Variants in SDR42E1 observed in about 807,000 individuals in gnomAD.
The protein encoded by SDR42E1 is short chain dehydrogenase/reductase family 42E, member 1.
A neutral mutation model predicts 2.6 loss-of-function variants in SDR42E1; 5 were observed. That is an observed-to-expected ratio of 1.94 (90% CI 1.01 to 4.08). The LOEUF (loss-of-function observed/expected upper bound fraction) is 4.08, where lower values mean the gene tolerates loss of function less well. Among genes scored for constraint, SDR42E1 ranks in the 30% most tolerant of loss-of-function variants. The probability of loss-of-function intolerance (pLI) is 0.00; values close to 1 mark genes in which losing one functional copy is unlikely to be tolerated. For missense variants in SDR42E1, 596 were observed against 478.6 expected, an observed-to-expected ratio of 1.25 and a Z score of -2.29; for synonymous variants, 231 against 188.3, an observed-to-expected ratio of 1.23 and a Z score of -1.86.
At chr16:82,004,388 TC>T (rs527874298) in intron 1 of SDR42E1, among the ~76,000 whole-genome samples, 290 of 152,252 alleles carry the variant, frequency 1.9e-3, no homozygotes, top group African/African-American at 6.7e-3. Flanking sequence ...ACATGGTGAG[TC>T]CGCCATGGCT....
At position 82,011,439 on chromosome 16, in the gene SDR42E1, G is replaced by A. The variant is rs1414513674; in HGVS notation, c.-79C>T. 6.6e-6 allele frequency: 1 copy of A among 152,474 alleles called. No homozygotes were observed. The highest frequency in any genetic ancestry group is 2.4e-5 in the African/African-American group (1 of 41,446). 9.4% of individuals were successfully genotyped at this position (152,474 alleles called of 1,614,324 possible). On this transcript the variant is annotated 5_prime_UTR_variant, in exon 1 of 3. Transcript: ENST00000328945. ...GGCTACAGCAGGCAGAGAGGCCCAG[G>A]CCTCCTAGCTACCCATCACCACAGC...
intron 2 of SDR42E1, 24 bp downstream of exon 2, chr16:82,000,767 T>A: frequency 6.5e-7 from 1 of 1,533,338 alleles, no homozygotes; most frequent in Non-Finnish European, 9.0e-7. Flanking sequence ...TAATTCCATG[T>A]GTATATTTTA....
At chr16:82,004,982 A>T (rs989569134) in intron 1 of SDR42E1, among the ~76,000 whole-genome samples, 1 of 152,268 alleles carries the variant, frequency 6.6e-6, no homozygotes, top group African/African-American at 2.4e-5. Context: ...TCTGGTTGAA[A>T]GTTTTGACAA....
At chr16:82,000,342 G>T (rs1007584283) in intron 2 of SDR42E1, 118 bp from the exon 3 acceptor site, 1 of 1,287,100 alleles carries the variant, frequency 7.8e-7, no homozygotes, top group African/African-American at 1.4e-5. Context: ...GGCTCATCCT[G>T]AGCCCCTCAC....
chr16:81,999,204 G>C lies in SDR42E1; in HGVS notation c.1089C>G (p.Asp363Glu), dbSNP rs758192799. The part of the protein sequence containing the change: ...HGHGRSSGSR[D>E]SECFVWDGLL... ...GCCCATCCCAAACAAAACACTCCGA[G>C]TCACGACTTCCAGAACTTCTGCCAT... The change falls in exon 3 of 3, where the codon GAC becomes GAG. Residue 363 changes from aspartate to glutamate, a missense_variant. Asp to Glu is a conservative substitution (Grantham distance 45). Transcript: ENST00000328945. The C allele has an allele frequency of 6.2e-7, 1 of 1,614,220 alleles. No homozygotes were observed. The highest frequency in any genetic ancestry group is 8.5e-7 in the Non-Finnish European group (1 of 1,180,034).
rs1198647055 is a variant in SDR42E1, at chr16:81,994,327, G to A, written c.*4784C>T. 6.6e-6 allele frequency: 1 copy of A among 152,214 alleles called. No individual in the cohort carries two copies. The highest frequency in any genetic ancestry group is 2.4e-5 in the African/African-American group (1 of 41,440). The allele number at this position is 152,214 out of a possible 1,614,324, so 9.4% of individuals were successfully genotyped here. On this transcript the variant is annotated 3_prime_UTR_variant, in exon 3 of 3. Coordinates refer to ENST00000328945, the MANE Select transcript of SDR42E1 (RefSeq NM_145168.3). ...CCTTCAGGTAGGAGGACCCTGAAGA[G>A]GAGCTGCACCAAGCGCCTGTCCTCC...
rs781435112 is a variant in SDR42E1 at position 81,997,420 on chromosome 16, T to C, written c.*1691A>G. 12 of 152,136 alleles carry C rather than the reference T, an allele frequency of 7.9e-5. No individual in the cohort carries two copies. The highest frequency in any genetic ancestry group is 2.0e-4 in the Admixed American group (3 of 15,278). The allele number at this position is 152,136 out of a possible 1,614,324, so 9.4% of individuals were successfully genotyped here. ...GAATAGGATTGACCTGCATAACCAA[T>C]ATACTGTGGAATGACACTGTGACAT... On this transcript the variant is annotated 3_prime_UTR_variant, in exon 3 of 3. Transcript: ENST00000328945.
rs1912534100 is a variant in SDR42E1 at position 81,996,059 on chromosome 16, T to C, written c.*3052A>G. The C allele has an allele frequency of 6.6e-6, 1 of 152,090 alleles. No homozygotes were observed. 9.4% of individuals were successfully genotyped at this position (152,090 alleles called of 1,614,324 possible). A position where few individuals can be genotyped will look rare whatever the true frequency, so the allele number is the denominator to read the frequency against. ...AGGAACCTAAAAAAGGTCAGTGTAA[T>C]TGGGGCAGAGAAGGCAGAATAATGT... On this transcript the variant is annotated 3_prime_UTR_variant, in exon 3 of 3. Coordinates refer to ENST00000328945, the MANE Select transcript of SDR42E1 (RefSeq NM_145168.3).
intron 1 of SDR42E1, among the ~76,000 whole-genome samples, chr16:82,006,247 A>G (rs1177292299): frequency 6.6e-6 from 1 of 152,232 alleles, no homozygotes; most frequent in African/African-American, 2.4e-5. Context: ...CTATAACCCC[A>G]TGATTACGTG....
chr16:82,005,708 G>C (rs1912911001), intron 1 of SDR42E1, among the ~76,000 whole-genome samples: 1 of 152,184 alleles, frequency 6.6e-6, no homozygotes, highest in Non-Finnish European at 1.5e-5. Flanking sequence ...GCAAGTGCTT[G>C]AAGGTCCTTC....
intron 1 of SDR42E1, among the ~76,000 whole-genome samples, chr16:82,010,760 A>G (rs1204453819): frequency 6.6e-6 from 1 of 152,106 alleles, no homozygotes; most frequent in Non-Finnish European, 1.5e-5. Context: ...CTGGGCTCTG[A>G]CCACATTAAG....
chr16:81,999,579 G>A lies in SDR42E1; in HGVS notation c.714C>T (p.Ala238=), dbSNP rs1475321648. The A allele has an allele frequency of 3.1e-6, 5 of 1,613,968 alleles. No individual in the cohort carries two copies. The African/African-American group carries it at 6.7e-5, about 22-fold the overall frequency. Residue 238 remains alanine, a synonymous_variant, in exon 3 of 3, where the codon GCC becomes GCT. Coordinates refer to ENST00000328945, the MANE Select transcript of SDR42E1 (RefSeq NM_145168.3). ...LVQAHILASE[A]LRADKGHIAS... The stretch of plus-strand genomic sequence containing the variant: ...CAATATGGCCCTTGTCAGCTCTCAG[G>A]GCTTCTGAGGCCAGAATGTGAGCCT...
At position 81,993,018 on chromosome 16, in the gene SDR42E1, T is replaced by C. The variant is rs200665562; in HGVS notation, c.*6093A>G. On this transcript the variant is annotated 3_prime_UTR_variant, in exon 3 of 3. Coordinates refer to ENST00000328945, the MANE Select transcript of SDR42E1 (RefSeq NM_145168.3). ...CAAGATGTGTTGCCAAAGAATCCCT[T>C]TGGCTCAAGAAAAAGAGGCTCTAGG... The C allele has an allele frequency of 3.3e-5, 5 of 152,122 alleles. No homozygotes were observed. The East Asian group carries it at 9.6e-4, about 29-fold the overall frequency. 9.4% of individuals were successfully genotyped at this position (152,122 alleles called of 1,614,324 possible).
At chr16:82,009,548 G>A (rs1037469827) in intron 1 of SDR42E1, among the ~76,000 whole-genome samples, 1 of 152,254 alleles carries the variant, frequency 6.6e-6, no homozygotes, top group African/African-American at 2.4e-5. Context: ...CATGGGGCCT[G>A]TAGCCCCTTC....
Position 81,999,535 on chromosome 16 carries a change from A to G in SDR42E1, c.758T>C (p.Phe253Ser). 1 of 1,614,182 alleles carries G rather than the reference A, an allele frequency of 6.2e-7. No homozygotes were observed. The highest frequency in any genetic ancestry group is 1.1e-5 in the South Asian group (1 of 91,084). ...GTTCACGGGTCTGCCATCTGAGATG[A>G]AGTAGGGCTGCCCAGAGGCAATATG... is the stretch of plus-strand genomic sequence containing the variant. ...KGHIASGQPY[F>S]ISDGRPVNNF... The change falls in exon 3 of 3, where the codon TTC becomes TCC. Residue 253 changes from phenylalanine (F) to serine (S), a missense_variant. By Grantham distance (155) the Phe-to-Ser change is radical (BLOSUM62 -2). Transcript: ENST00000328945.
rs925210733 is a variant in SDR42E1 at position 81,990,803 on chromosome 16, A to T, written c.*8308T>A. On this transcript the variant is annotated 3_prime_UTR_variant, in exon 3 of 3. Coordinates refer to ENST00000328945, the MANE Select transcript of SDR42E1 (RefSeq NM_145168.3). The stretch of plus-strand genomic sequence containing the variant: ...ACCCACTACCAAATATTTCTTTTCC[A>T]CTTGGGCCCAAACTTAAGGTATTTG... 4 of 152,104 alleles carry T rather than the reference A, an allele frequency of 2.6e-5. No homozygotes were observed. Among genetic ancestry groups the T allele is most frequent in the Non-Finnish European group, 4.4e-5 (3 of 68,032 alleles). 9.4% of individuals were successfully genotyped at this position (152,104 alleles called of 1,614,324 possible).
At chr16:82,006,614 G>A (rs1405233115) in intron 1 of SDR42E1, among the ~76,000 whole-genome samples, 2 of 152,164 alleles carry the variant, frequency 1.3e-5, no homozygotes, top group African/African-American at 4.8e-5. Context: ...CCAACATGGT[G>A]AAACCCTGTC....
chr16:82,007,906 T>C (rs1363731106), intron 1 of SDR42E1: 2 of 147,144 alleles, frequency 1.4e-5, no homozygotes, highest in Non-Finnish European at 2.9e-5. Flanking sequence ...CTACACTTAT[T>C]ATTTATTATG....
At chr16:82,000,727 G>C in intron 2 of SDR42E1, 64 bp downstream of exon 2, 1 of 1,225,224 alleles carries the variant, frequency 8.2e-7, no homozygotes, top group African/African-American at 1.5e-5. Context: ...TGCTGTCAGA[G>C]TTGAATGCTT....
Sources: gnomAD v4.1 joint callset for allele counts (sites outside exome capture counted in the v4.1 genomes callset) on GRCh38, gnomAD v4.1.1 for gene constraint, MANE v1.5 for transcripts, NCBI Gene and HGNC (gene_info 2026-07-23, HGNC 2026-07-21) for gene names.